CCSER2: variants seen among roughly 807,000 people sequenced by gnomAD.
CCSER2 encodes the protein serine-rich coiled-coil domain-containing protein 2.
In CCSER2, 46 loss-of-function variants were observed where a neutral mutation model predicts 92.3. The observed-to-expected ratio is 0.50, with a 90% CI of 0.39 to 0.64. The LOEUF is 0.64. Ranked by LOEUF, CCSER2 falls within the 30% of genes least tolerant of loss-of-function variation. The probability of loss-of-function intolerance (pLI) is 0.00; values close to 1 mark genes in which losing one functional copy is unlikely to be tolerated. For synonymous variants in CCSER2, 433 were observed against 431.4 expected (o/e 1.00, Z -0.04); for missense variants, 1,244 against 1,238.9 (o/e 1.00, Z -0.06).
At chr10:84,425,106 T>G in intron 4 of CCSER2, 1 of 979,462 alleles carries the variant, frequency 1.0e-6, no homozygotes, top group Non-Finnish European at 1.2e-6. Context: ...TTGTGGTATT[T>G]GGGTTTAAGG....
chr10:84,487,993 A>G (rs1240587578), intron 9 of CCSER2, among the ~76,000 whole-genome samples: 2 of 152,160 alleles, frequency 1.3e-5, no homozygotes, highest in Non-Finnish European at 1.5e-5. Flanking sequence ...ATCTATTGAG[A>G]TAATCATATG....
At position 84,343,629 on chromosome 10, in the gene CCSER2, T is replaced by A. The variant is rs149905947; in HGVS notation, c.-40+14821T>A. On this transcript the variant is annotated intron_variant, in intron 1 of 9. Coordinates refer to ENST00000372088, the MANE Select transcript of CCSER2 (RefSeq NM_001284240.2). The stretch of plus-strand genomic sequence containing the variant: ...TCCTAAATATCTCAATTAGATGATG[T>A]TGTTATGAAGTAATTTTTACTTTTT... Among the ~76,000 whole-genome samples the A allele has an allele frequency of 7.8e-3, 1,185 of 152,334 alleles. 15 individuals are homozygous for A. The highest frequency in any genetic ancestry group is 0.017 in the Middle Eastern group (5 of 294).
At chr10:84,454,388 G>T (rs1393182632) in intron 6 of CCSER2, among the ~76,000 whole-genome samples, 2 of 152,276 alleles carry the variant, frequency 1.3e-5, no homozygotes, top group East Asian at 1.9e-4. Flanking sequence ...CATATTCACA[G>T]GTTCTGGATG....
At chr10:84,347,702 G>A (rs939736670) in intron 1 of CCSER2, among the ~76,000 whole-genome samples, 6 of 151,388 alleles carry the variant, frequency 4.0e-5, no homozygotes, top group Non-Finnish European at 7.4e-5. Flanking sequence ...TTCTCAGACG[G>A]GGCGGCTGCT....
chr10:84,487,049 G>T (rs967848408), intron 9 of CCSER2, among the ~76,000 whole-genome samples: 30 of 152,148 alleles, frequency 2.0e-4, no homozygotes, highest in Admixed American at 1.6e-3. Flanking sequence ...AGATTAGATG[G>T]TTGTAGATGT....
chr10:84,515,123 C>G lies in CCSER2; in HGVS notation c.*856C>G, dbSNP rs1054763271. On this transcript the variant is annotated 3_prime_UTR_variant, in exon 10 of 10. Coordinates refer to ENST00000372088, the MANE Select transcript of CCSER2 (RefSeq NM_001284240.2). ...TTTGCTGGTAATTCAGGCTTGAACC[C>G]TTAGGCTTGTGGATCCATGATAGCC... 1.3e-5 allele frequency: 2 copies of G among 152,540 alleles called. No individual in the cohort carries two copies. The highest frequency in any genetic ancestry group is 2.4e-5 in the African/African-American group (1 of 41,434). The allele number at this position is 152,540 out of a possible 1,614,324, so 9.4% of individuals were successfully genotyped here. A position where few individuals can be genotyped will look rare whatever the true frequency, so the allele number is the denominator to read the frequency against.
At chr10:84,358,956 G>A (rs1033379056) in intron 1 of CCSER2, among the ~76,000 whole-genome samples, 3 of 152,096 alleles carry the variant, frequency 2.0e-5, no homozygotes, top group African/African-American at 7.2e-5. Flanking sequence ...TGAAAGTAGA[G>A]GAGTTTCTGT....
At chr10:84,347,683 G>T (rs1844594649) in intron 1 of CCSER2, among the ~76,000 whole-genome samples, 1 of 150,274 alleles carries the variant, frequency 6.7e-6, no homozygotes, top group Admixed American at 6.6e-5. Flanking sequence ...GGGCGGAGGG[G>T]CTCCTCACTT....
chr10:84,471,186 G>A (rs1485563824), intron 8 of CCSER2, among the ~76,000 whole-genome samples: 3 of 151,998 alleles, frequency 2.0e-5, no homozygotes, highest in Non-Finnish European at 4.4e-5. Flanking sequence ...ACTGAGCTCT[G>A]AGCCACTGGG....
chr10:84,396,185 CTGTGTGTGTG>C (rs11467455), intron 3 of CCSER2, among the ~76,000 whole-genome samples: 29,489 of 145,726 alleles, frequency 0.2, 5,759 homozygotes, highest in African/African-American at 0.51. Context: ...TTATTCAACA[CTGTGTGTGTG>C]TGTGTGTGTG....
In CCSER2 at chr10:84,516,571, A is replaced by G. The variant is rs1849604373; in HGVS notation, c.*2304A>G. 1 of 152,208 alleles carries G rather than the reference A, an allele frequency of 6.6e-6. No homozygotes were observed. Among genetic ancestry groups the G allele is most frequent in the African/African-American group, 2.4e-5 (1 of 41,448 alleles). The allele number at this position is 152,208 out of a possible 1,614,324, so 9.4% of individuals were successfully genotyped here. A position where few individuals can be genotyped will look rare whatever the true frequency, so the allele number is the denominator to read the frequency against. On this transcript the variant is annotated 3_prime_UTR_variant, in exon 10 of 10. Coordinates refer to ENST00000372088, the MANE Select transcript of CCSER2 (RefSeq NM_001284240.2). The stretch of plus-strand genomic sequence containing the variant: ...AGAAGTTGGTTTAGACCCTTATGAA[A>G]CATTATTTACGAGTTGGCCTTATCC...
At chr10:84,346,479 TA>T (rs1844485241) in intron 1 of CCSER2, among the ~76,000 whole-genome samples, 1 of 152,124 alleles carries the variant, frequency 6.6e-6, no homozygotes, top group Non-Finnish European at 1.5e-5. Context: ...AACATGATTT[TA>T]AAAATAAAAT....
chr10:84,371,222 A>G lies in CCSER2; in HGVS notation c.170A>G (p.Asp57Gly), dbSNP rs1366830323. The G allele has an allele frequency of 3.1e-6, 5 of 1,613,346 alleles. No individual in the cohort carries two copies. Among genetic ancestry groups the G allele is most frequent in the Non-Finnish European group, 4.2e-6 (5 of 1,179,708 alleles). The change falls in exon 2 of 10, where the codon GAT (aspartate) becomes GGT (glycine). Residue 57 changes from aspartate to glycine, a missense_variant. Transcript: ENST00000372088. Reference protein sequence around the residue: ...VKSYIKNNGSDCPSSHSFNWR... With the variant: ...VKSYIKNNGSGCPSSHSFNWR... The stretch of plus-strand genomic sequence containing the variant: ...AGTTACATCAAAAATAATGGCTCTG[A>G]TTGTCCATCATCTCATTCATTTAAT...
intron 1 of CCSER2, among the ~76,000 whole-genome samples, chr10:84,364,867 G>A (rs982481833): frequency 6.7e-6 from 1 of 149,998 alleles, no homozygotes; most frequent in Admixed American, 6.7e-5. Flanking sequence ...TCAGCCTCCC[G>A]AGTAGCTCAG....
chr10:84,404,182 C>G (rs998677487), intron 3 of CCSER2, among the ~76,000 whole-genome samples: 1 of 152,162 alleles, frequency 6.6e-6, no homozygotes, highest in Admixed American at 6.5e-5. Flanking sequence ...CATTAAACTC[C>G]CCTGAAATCC....
chr10:84,423,363 A>G (rs936551479), intron 4 of CCSER2, among the ~76,000 whole-genome samples: 3 of 152,190 alleles, frequency 2.0e-5, no homozygotes, highest in African/African-American at 7.2e-5. Context: ...GGTTATGGCA[A>G]ATGTTTGCTT....
intron 6 of CCSER2, among the ~76,000 whole-genome samples, chr10:84,453,574 G>A (rs1325701718): frequency 6.6e-6 from 1 of 152,140 alleles, no homozygotes; most frequent in South Asian, 2.1e-4. Flanking sequence ...TGTATCTTAG[G>A]TAGCAGTATG....
chr10:84,373,780 G>T lies in CCSER2; in HGVS notation c.1579G>T (p.Val527Phe). 1 of 1,613,752 alleles carries T rather than the reference G, an allele frequency of 6.2e-7. No individual in the cohort carries two copies. Among genetic ancestry groups the T allele is most frequent in the Non-Finnish European group, 8.5e-7 (1 of 1,179,736 alleles). ...GGAACCCATTGGAAATGTCCATCCA[G>T]TTGGGAGCTATGAGTCCTCTGAAAT... ...GLEPIGNVHP[V>F]GSYESSEMNS... is the part of the protein sequence containing the mutation. The change falls in exon 3 of 10, where the codon GTT becomes TTT. Residue 527 changes from valine to phenylalanine, a missense_variant. Val to Phe is a conservative substitution (Grantham distance 50, BLOSUM62 -1). Transcript: ENST00000372088.
At chr10:84,490,791 G>A (rs868585577) in intron 9 of CCSER2, among the ~76,000 whole-genome samples, 2 of 152,224 alleles carry the variant, frequency 1.3e-5, no homozygotes, top group Non-Finnish European at 2.9e-5. Flanking sequence ...GAGGAGCTGC[G>A]TTCCTTTGGA....
Sources: gnomAD v4.1 joint callset for allele counts (sites outside exome capture counted in the v4.1 genomes callset) on GRCh38, gnomAD v4.1.1 for gene constraint, MANE v1.5 for transcripts, NCBI Gene and HGNC (gene_info 2026-07-23, HGNC 2026-07-21) for gene names.